The following PTPRT variants were observed in gnomAD, a reference collection of about 807,000 sequenced individuals.
PTPRT encodes protein tyrosine phosphatase receptor type T, also known as receptor-type tyrosine-protein phosphatase T.
In PTPRT, 56 loss-of-function variants were observed where a neutral mutation model predicts 176.8. That is an observed-to-expected ratio of 0.32 (90% confidence interval 0.26 to 0.40). The LOEUF (loss-of-function observed/expected upper bound fraction) is 0.40. PTPRT is among the 10% of genes least tolerant of loss of function. The pLI is 1.00. For missense variants in PTPRT, 1,540 were observed against 1,908.2 expected, an observed-to-expected ratio of 0.81 and a Z score of 3.60; for synonymous variants, 783 against 739.0, an observed-to-expected ratio of 1.06 and a Z score of -0.96.
Position 42,076,754 on chromosome 20 carries a change from TAG to T in PTPRT, c.*4123_*4124del, listed in dbSNP as rs538932362. The T allele has an allele frequency of 8.9e-4, 179 of 201,788 alleles. 3 individuals carry two copies. The highest frequency in any genetic ancestry group is 4.0e-3 in the African/African-American group (172 of 43,526). The allele number at this position is 201,788 out of a possible 1,614,324, so 12.5% of individuals were successfully genotyped here. ...AGCACATTTTTTTTTGAAATATTCA[TAG>T]AGTCATATTAAAACCAACAAGGCTA... On this transcript the variant is annotated 3_prime_UTR_variant, in exon 31 of 31. Coordinates refer to ENST00000373187, the MANE Select transcript of PTPRT (RefSeq NM_007050.6).
intron 7 of PTPRT, among the ~76,000 whole-genome samples, chr20:42,489,413 C>G (rs901061491): frequency 1.1e-4 from 16 of 152,012 alleles, no homozygotes; most frequent in African/African-American, 3.6e-4. Flanking sequence ...CCTATGTGAT[C>G]ACAACACACT....
chr20:42,502,207 A>G (rs2071762037), intron 7 of PTPRT, among the ~76,000 whole-genome samples: 1 of 152,080 alleles, frequency 6.6e-6, no homozygotes, highest in Non-Finnish European at 1.5e-5. Context: ...AATAGGAATC[A>G]TTTCATATAT....
intron 1 of PTPRT, among the ~76,000 whole-genome samples, chr20:42,979,648 C>T (rs1027195646): frequency 6.6e-6 from 1 of 152,104 alleles, no homozygotes; most frequent in Non-Finnish European, 1.5e-5. Flanking sequence ...ATCCTGCCCC[C>T]TTTGTAATCT....
chr20:42,169,732 T>C (rs2146537203), intron 16 of PTPRT, among the ~76,000 whole-genome samples: 1 of 131,070 alleles, frequency 7.6e-6, no homozygotes. Context: ...CCGTGAAAAG[T>C]ACAATTTTCA....
chr20:42,667,665 C>T (rs2075339366), intron 7 of PTPRT, among the ~76,000 whole-genome samples: 2 of 152,158 alleles, frequency 1.3e-5, no homozygotes, highest in Non-Finnish European at 2.9e-5. Flanking sequence ...TGTTGACTTA[C>T]TATTGTAACT....
chr20:42,465,156 C>T (rs1450274614), intron 8 of PTPRT, among the ~76,000 whole-genome samples: 2 of 151,824 alleles, frequency 1.3e-5, no homozygotes, highest in East Asian at 3.9e-4. Flanking sequence ...AAAAAACACT[C>T]TTTGCTCCTT....
chr20:42,640,027 A>G (rs1354431261), intron 7 of PTPRT, among the ~76,000 whole-genome samples: 1 of 151,376 alleles, frequency 6.6e-6, no homozygotes, highest in Non-Finnish European at 1.5e-5. Context: ...TTGACAGCCA[A>G]ACATCATAAA....
intron 1 of PTPRT, among the ~76,000 whole-genome samples, chr20:43,147,778 T>C (rs1381945017): frequency 6.6e-6 from 1 of 152,044 alleles, no homozygotes; most frequent in Non-Finnish European, 1.5e-5. Flanking sequence ...ACAAAACCCA[T>C]CTCCCAAGGG....
At chr20:42,359,875 T>C (rs925827983) in intron 9 of PTPRT, among the ~76,000 whole-genome samples, 2 of 152,196 alleles carry the variant, frequency 1.3e-5, no homozygotes, top group African/African-American at 4.8e-5. Context: ...GCTGCGGCCC[T>C]GCAGGGGCTT....
At chr20:42,796,581 C>T (rs1301990435) in intron 2 of PTPRT, among the ~76,000 whole-genome samples, 1 of 152,204 alleles carries the variant, frequency 6.6e-6, no homozygotes, top group Non-Finnish European at 1.5e-5. Flanking sequence ...GTTCCTTGCC[C>T]GAGCTGTACA....
intron 7 of PTPRT, among the ~76,000 whole-genome samples, chr20:42,610,889 G>A (rs1176642210): frequency 2.0e-5 from 3 of 151,870 alleles, no homozygotes; most frequent in African/African-American, 4.8e-5. Flanking sequence ...TCTTCTTTCC[G>A]TGTCTATAGA....
intron 7 of PTPRT, among the ~76,000 whole-genome samples, chr20:42,533,095 C>T (rs1018329350): frequency 1.3e-5 from 2 of 152,172 alleles, no homozygotes; most frequent in Admixed American, 6.5e-5. Flanking sequence ...ATCTTCCCTC[C>T]GCCAGGTTGC....
intron 3 of PTPRT, among the ~76,000 whole-genome samples, chr20:42,783,393 T>C (rs6103040): frequency 0.48 from 72,643 of 151,116 alleles, 19,453 homozygotes; most frequent in Non-Finnish European, 0.61. Flanking sequence ...AAAACCCAAA[T>C]CATTCAAATT....
chr20:42,481,088 A>G (rs547353266), intron 7 of PTPRT, among the ~76,000 whole-genome samples: 1 of 151,916 alleles, frequency 6.6e-6, no homozygotes, highest in East Asian at 1.9e-4. Flanking sequence ...TGCAGGTTAG[A>G]CAGTCTCTGT....
At chr20:42,497,312 C>G (rs2071672723) in intron 7 of PTPRT, among the ~76,000 whole-genome samples, 2 of 151,994 alleles carry the variant, frequency 1.3e-5, no homozygotes, top group South Asian at 4.1e-4. Context: ...TTTTCCCCCC[C>G]AGAATAAGGC....
At chr20:42,498,060 G>A (rs911616282) in intron 7 of PTPRT, among the ~76,000 whole-genome samples, 8 of 151,978 alleles carry the variant, frequency 5.3e-5, no homozygotes, top group Admixed American at 2.6e-4. Flanking sequence ...ACTTTGTATG[G>A]GTATCACGGT....
intron 2 of PTPRT, among the ~76,000 whole-genome samples, chr20:42,828,182 T>C (rs1457158411): frequency 1.3e-5 from 2 of 152,306 alleles, no homozygotes; most frequent in African/African-American, 2.4e-5. Flanking sequence ...CAGGTTGAGA[T>C]GGTCTCAGAT....
chr20:42,269,925 A>G (rs1338298763), intron 13 of PTPRT, among the ~76,000 whole-genome samples: 1 of 152,190 alleles, frequency 6.6e-6, no homozygotes, highest in Non-Finnish European at 1.5e-5. Flanking sequence ...TCCCAAACTT[A>G]GATCACAGCT....
chr20:42,627,926 CT>C (rs982803116), intron 7 of PTPRT, among the ~76,000 whole-genome samples: 5 of 152,102 alleles, frequency 3.3e-5, no homozygotes, highest in Non-Finnish European at 7.4e-5. Context: ...ATTGTGAAGT[CT>C]TGTCTTTTCT....
Sources: allele counts gnomAD v4.1 joint callset (sites outside exome capture counted in the v4.1 genomes callset), GRCh38; gene constraint gnomAD v4.1.1; transcripts MANE v1.5; gene names NCBI Gene and HGNC (gene_info 2026-07-23, HGNC 2026-07-21).